Variants in SAP130 observed in about 807,000 individuals in gnomAD.
The protein encoded by SAP130 is Sin3A associated protein 130, also known as histone deacetylase complex subunit SAP130.
In SAP130, 16 loss-of-function variants were observed where a neutral mutation model predicts 103.2. That is an observed-to-expected ratio of 0.16 (90% CI 0.10 to 0.24). The LOEUF (loss-of-function observed/expected upper bound fraction) is 0.24. Ranked by LOEUF, SAP130 falls within the 10% of genes least tolerant of loss-of-function variation. SAP130 has a pLI of 1.00. For missense variants in SAP130, 990 were observed against 1,359.7 expected (o/e 0.73, Z 4.28); for synonymous variants, 477 against 497.0 (o/e 0.96, Z 0.53).
Position 127,989,902 on chromosome 2 carries a change from A to C in SAP130, c.1478-36T>G. On this transcript the variant is annotated intron_variant, in intron 12 of 20. Transcript: ENST00000643581. This position sits in a 1 kb window ranked among gnomAD's most constrained non-coding sequence, Gnocchi z 4.6. Reference sequence around the variant, plus strand: ...TGCGAAAGGTAACTATAAGAAGGTTAGCTTCATTTCACACAGTCCACATAA... The same window carrying C: ...TGCGAAAGGTAACTATAAGAAGGTTCGCTTCATTTCACACAGTCCACATAA... The C allele has an allele frequency of 6.3e-7, 1 of 1,586,772 alleles. No individual in the cohort carries two copies. Among genetic ancestry groups the C allele is most frequent in the Non-Finnish European group, 8.6e-7 (1 of 1,162,680 alleles).
intron 19 of SAP130, among the ~76,000 whole-genome samples, chr2:127,944,621 G>T (rs932587315): frequency 6.6e-6 from 1 of 152,024 alleles, no homozygotes; most frequent in East Asian, 1.9e-4. Context: ...GTAGAGACAG[G>T]GGTTTCACCA....
rs147211610 is a variant in SAP130 at position 127,947,764 on chromosome 2, C to CTGTGTGTGTGAGAGTG, written c.2797+2104_2797+2105insCACTCTCACACACACA. ...TGAATTAATTTTGTATTGTGTGTGT[C>CTGTGTGTGTGAGAGTG]TGTGTGTGTGTGTGTGTGTGTGTGT... On this transcript the variant is annotated intron_variant, in intron 18 of 20. Coordinates refer to ENST00000643581, the MANE Select transcript of SAP130 (RefSeq NM_001330301.2). Among the ~76,000 whole-genome samples, 18 of 143,312 alleles carry CTGTGTGTGTGAGAGTG rather than the reference C, an allele frequency of 1.3e-4. 1 individual carries two copies. Among genetic ancestry groups the CTGTGTGTGTGAGAGTG allele is most frequent in the South Asian group, 6.7e-4 (3 of 4,450 alleles). 94.0% of individuals were successfully genotyped at this position (143,312 alleles called of 152,430 possible). A position where few individuals can be genotyped will look rare whatever the true frequency, so the allele number is the denominator to read the frequency against.
rs752275112 is a variant in SAP130, at chr2:127,986,950, G to C, written c.1793C>G (p.Ala598Gly). 1 of 1,612,624 alleles carries C rather than the reference G, an allele frequency of 6.2e-7. No homozygotes were observed. The highest frequency in any genetic ancestry group is 2.2e-5 in the East Asian group (1 of 44,816). The change falls in exon 14 of 21, where the codon GCA becomes GGA. Residue 598 changes from alanine to glycine, a missense_variant. Transcript: ENST00000643581. This position sits in a 1 kb window ranked among gnomAD's most constrained non-coding sequence, Gnocchi z 4.7. ...GTTGGCCACAATTGTGGCTCCATCT[G>C]CCAACACCACTGCTACAGGAGAGAG... ...PEGKTSAVVL[A>G]DGATIVANPI...
At chr2:128,027,496 C>A (rs1486632769) in intron 1 of SAP130, among the ~76,000 whole-genome samples, 2 of 152,016 alleles carry the variant, frequency 1.3e-5, no homozygotes, top group African/African-American at 4.8e-5. Flanking sequence ...GGAAGACAGG[C>A]GCCCCCGGCG....
At position 127,950,405 on chromosome 2, in the gene SAP130, A is replaced by T; in HGVS notation, c.2426T>A (p.Val809Asp). Residue 809 changes from valine (V) to aspartate (D), a missense_variant, in exon 17 of 21, where the codon GTT (valine) becomes GAT (aspartate). This residue lies in a region of SAP130 where 349 missense variants were observed against 384.1 expected (regional missense o/e 0.91). Coordinates refer to ENST00000643581, the MANE Select transcript of SAP130 (RefSeq NM_001330301.2). ...PMDIMRPVSA[V>D]PPLATNTVSP... is the part of the protein sequence containing the mutation. ...CACAGTGTTGGTAGCCAGTGGAGGAACTGCTGTCATAGGAAAAGGAGCACA... is the reference window on the plus strand; with the variant it reads ...CACAGTGTTGGTAGCCAGTGGAGGATCTGCTGTCATAGGAAAAGGAGCACA... 6.2e-7 allele frequency: 1 copy of T among 1,614,132 alleles called. No individual in the cohort carries two copies. The highest frequency in any genetic ancestry group is 8.5e-7 in the Non-Finnish European group (1 of 1,179,982).
chr2:127,964,691 A>G (rs772760369), intron 15 of SAP130, among the ~76,000 whole-genome samples: 8 of 151,874 alleles, frequency 5.3e-5, no homozygotes, highest in Non-Finnish European at 1.2e-4. Flanking sequence ...ACAGAAACTA[A>G]TAACTTAGAA....
chr2:127,985,176 AT>A (rs1682283255), intron 14 of SAP130, among the ~76,000 whole-genome samples: 1 of 152,238 alleles, frequency 6.6e-6, no homozygotes, highest in Non-Finnish European at 1.5e-5. Flanking sequence ...ATATAGGGTT[AT>A]GAGACAGAAA....
At chr2:128,027,028 G>T in intron 1 of SAP130, 1 of 1,334,616 alleles carries the variant, frequency 7.5e-7, no homozygotes, top group East Asian at 2.8e-5. Context: ...CCCCGTCTCC[G>T]GGGTGGGGGT....
intron 16 of SAP130, among the ~76,000 whole-genome samples, chr2:127,954,112 AG>A: frequency 6.6e-6 from 1 of 152,314 alleles, no homozygotes; most frequent in Middle Eastern, 3.4e-3. Flanking sequence ...AGCATAACTG[AG>A]GGTGCTTCAT....
At chr2:127,985,794 T>C (rs148102313) in intron 14 of SAP130, among the ~76,000 whole-genome samples, 10 of 151,796 alleles carry the variant, frequency 6.6e-5, no homozygotes, top group Non-Finnish European at 1.2e-4. Flanking sequence ...ATCCTGTGCC[T>C]GTAAAAACCT....
At chr2:127,959,820 T>C (rs746215809) in intron 15 of SAP130, among the ~76,000 whole-genome samples, 6 of 152,024 alleles carry the variant, frequency 3.9e-5, no homozygotes, top group Non-Finnish European at 5.9e-5. Flanking sequence ...AGAAAAAACT[T>C]AGTAAAAAAA....
At position 128,010,346 on chromosome 2, in the gene SAP130, T is replaced by C. The variant is rs780655707; in HGVS notation, c.792A>G (p.Val264=). ...TTSNAIPPAV[V]ATVSATRAQS... is the part of the protein sequence containing the mutation. ...GAGCTCTGGTGGCTGAGACAGTTGC[T>C]ACCACAGCAGGAGGGATGGCATTGG... The change falls in exon 7 of 21, where the codon GTA becomes GTG. Residue 264 remains valine (V), a synonymous_variant. Coordinates refer to ENST00000643581, the MANE Select transcript of SAP130 (RefSeq NM_001330301.2). 5.0e-6 allele frequency: 8 copies of C among 1,614,008 alleles called. No homozygotes were observed. In the South Asian group the frequency reaches 8.8e-5, roughly 18 times the overall value.
intron 15 of SAP130, among the ~76,000 whole-genome samples, chr2:127,964,724 G>A (rs571137758): frequency 1.1e-4 from 17 of 152,176 alleles, no homozygotes; most frequent in African/African-American, 3.4e-4. Flanking sequence ...CTGGCTGGGC[G>A]TGGTGGCTCA....
Position 127,941,725 on chromosome 2 carries a change from G to A in SAP130, c.*281C>T, listed in dbSNP as rs1016958047. On this transcript the variant is annotated 3_prime_UTR_variant, in exon 21 of 21. Transcript: ENST00000643581. The stretch of plus-strand genomic sequence containing the variant: ...TGAAAAACACCAGCCAGCCATCCTT[G>A]TCATTGCTTCCAACTGGTGGACACT... 6.5e-5 allele frequency: 27 copies of A among 417,224 alleles called. No homozygotes were observed. The Admixed American group carries it at 6.9e-4, about 11-fold the overall frequency. The allele number at this position is 417,224 out of a possible 1,614,324, so 25.8% of individuals were successfully genotyped here.
intron 15 of SAP130, among the ~76,000 whole-genome samples, chr2:127,959,696 A>ATT (rs1680099900): frequency 2.6e-5 from 4 of 152,360 alleles, no homozygotes; most frequent in Admixed American, 2.6e-4. Context: ...TCACAACTTG[A>ATT]GTAAGACAAG....
intron 7 of SAP130, among the ~76,000 whole-genome samples, chr2:128,001,932 C>T (rs1573796498): frequency 2.8e-5 from 4 of 145,390 alleles, no homozygotes; most frequent in Middle Eastern, 7.1e-3. Flanking sequence ...GTGAAAAAAA[C>T]TTTTTTTTTT....
chr2:127,961,981 A>G (rs1289311604), intron 15 of SAP130, among the ~76,000 whole-genome samples: 1 of 152,228 alleles, frequency 6.6e-6, no homozygotes, highest in Non-Finnish European at 1.5e-5. Context: ...CTGGCGTGTT[A>G]GCTCTCAGCA....
intron 15 of SAP130, among the ~76,000 whole-genome samples, chr2:127,968,580 T>C (rs1680844206): frequency 6.6e-6 from 1 of 151,440 alleles, no homozygotes; most frequent in Non-Finnish European, 1.5e-5. Flanking sequence ...TGGAGTGCAG[T>C]GGTACGATCT....
At chr2:128,027,208 G>A in intron 1 of SAP130, 2 of 1,216,192 alleles carry the variant, frequency 1.6e-6, no homozygotes, top group South Asian at 4.0e-5. Flanking sequence ...AGGGATCGCG[G>A]CGGCGGCGCC....
Sources: allele counts gnomAD v4.1 joint callset (sites outside exome capture counted in the v4.1 genomes callset), GRCh38; gene constraint gnomAD v4.1.1; regional missense constraint gnomAD v4.1.1; non-coding constraint Gnocchi (gnomAD v3.1); transcripts MANE v1.5; gene names NCBI Gene and HGNC (gene_info 2026-07-23, HGNC 2026-07-21).